MED15: variants seen among roughly 807,000 people sequenced by gnomAD.
The protein encoded by MED15 is mediator of RNA polymerase II transcription subunit 15.
Under a neutral mutation model 118.7 loss-of-function variants are expected in MED15, and 41 were observed. The observed-to-expected ratio is 0.35, with a 90% CI of 0.27 to 0.45. The LOEUF (loss-of-function observed/expected upper bound fraction) is 0.45, where lower values mean the gene tolerates loss of function less well. Ranked by LOEUF, MED15 falls within the 20% of genes least tolerant of loss-of-function variation. The probability of loss-of-function intolerance (pLI) is 1.00; values close to 1 mark genes in which losing one functional copy is unlikely to be tolerated. For missense variants in MED15, 740 were observed against 1,025.5 expected, an observed-to-expected ratio of 0.72 and a Z score of 3.80; for synonymous variants, 436 against 413.9, an observed-to-expected ratio of 1.05 and a Z score of -0.65.
At chr22:20,585,067 T>A (rs1480418035) in intron 15 of MED15, 34 bp from the exon 16 acceptor site, 1 of 1,613,372 alleles carries the variant, frequency 6.2e-7, no homozygotes, top group Admixed American at 1.7e-5. Flanking sequence ...CTGGGCCGCG[T>A]GTGCCAGGTG....
At chr22:20,510,021 T>C (rs1272155284) in intron 1 of MED15, among the ~76,000 whole-genome samples, 1 of 152,146 alleles carries the variant, frequency 6.6e-6, no homozygotes, top group Non-Finnish European at 1.5e-5. Context: ...TTCTTTATTT[T>C]TTTCGATATT....
At position 20,586,697 on chromosome 22, in the gene MED15, C is replaced by T. The variant is rs1375482886; in HGVS notation, c.2360C>T (p.Ala787Val). The change falls in exon 18 of 18, where the codon GCC becomes GTC. Residue 787 changes from alanine (A) to valine (V), a missense_variant. Around this residue, in one of 7 missense-constraint regions of MED15, gnomAD observed 179 missense variants for 259.0 expected, o/e 0.69. Coordinates refer to ENST00000263205, the MANE Select transcript of MED15 (RefSeq NM_001003891.3). ...AQSVHQACLS[A>V]A Reference sequence around the variant, plus strand: ...AGCGTCCACCAGGCCTGCCTCTCAGCCGCCTAGCCAAGACTGCAGGGATGG... The same window carrying T: ...AGCGTCCACCAGGCCTGCCTCTCAGTCGCCTAGCCAAGACTGCAGGGATGG... The T allele has an allele frequency of 6.2e-7, 1 of 1,612,480 alleles. No individual in the cohort carries two copies. The highest frequency in any genetic ancestry group is 1.7e-5 in the Admixed American group (1 of 60,024).
At chr22:20,557,827 C>T (rs2056077865) in intron 5 of MED15, among the ~76,000 whole-genome samples, 1 of 152,210 alleles carries the variant, frequency 6.6e-6, no homozygotes, top group Admixed American at 6.5e-5. Flanking sequence ...ACAGTGGGGG[C>T]TGGGCACGGT....
In MED15 at chr22:20,580,897, G is replaced by A. The variant is rs112936120; in HGVS notation, c.1273-1714G>A. On this transcript the variant is annotated intron_variant, in intron 9 of 17. Coordinates refer to ENST00000263205, the MANE Select transcript of MED15 (RefSeq NM_001003891.3). ...TGCTAACCTTTGCGAGAATCACCGC[G>A]AGCCATTTTGCTCCATTAGGTAGAG... Among the ~76,000 whole-genome samples the A allele has an allele frequency of 5.0e-3, 763 of 152,342 alleles. 8 individuals carry two copies. Among genetic ancestry groups the A allele is most frequent in the African/African-American group, 0.017 (713 of 41,588 alleles).
chr22:20,573,700 G>A (rs1250776222), intron 8 of MED15: 1 of 152,222 alleles, frequency 6.6e-6, no homozygotes. Flanking sequence ...TTAGACTTAA[G>A]CTTTGCATTC....
chr22:20,547,779 C>T (rs1375929295), intron 2 of MED15, among the ~76,000 whole-genome samples: 1 of 152,102 alleles, frequency 6.6e-6, no homozygotes, highest in East Asian at 1.9e-4. Context: ...ACTGAGATTG[C>T]ACCACTGCAC....
At chr22:20,538,273 C>T (rs1004553072) in intron 2 of MED15, among the ~76,000 whole-genome samples, 2 of 151,844 alleles carry the variant, frequency 1.3e-5, no homozygotes, top group Non-Finnish European at 2.9e-5. Flanking sequence ...TTTTTTGAGA[C>T]AGGGTCTCAC....
chr22:20,553,829 C>T (rs1177564851), intron 4 of MED15, among the ~76,000 whole-genome samples: 2 of 152,166 alleles, frequency 1.3e-5, no homozygotes, highest in African/African-American at 4.8e-5. Flanking sequence ...TGAGATCGTG[C>T]CACTGCACTC....
At chr22:20,512,710 G>C (rs997845305) in intron 1 of MED15, among the ~76,000 whole-genome samples, 13 of 148,896 alleles carry the variant, frequency 8.7e-5, no homozygotes, top group Non-Finnish European at 1.0e-4. Context: ...TCCTGCCTCA[G>C]CCTCCTGAGT....
chr22:20,548,312 C>T (rs1435284941), intron 2 of MED15, among the ~76,000 whole-genome samples: 1 of 152,154 alleles, frequency 6.6e-6, no homozygotes, highest in Non-Finnish European at 1.5e-5. Flanking sequence ...CCGGCATGCG[C>T]CACCAGGCCT....
chr22:20,579,029 CG>C (rs1475720447), intron 9 of MED15, among the ~76,000 whole-genome samples: 2 of 152,208 alleles, frequency 1.3e-5, no homozygotes, highest in African/African-American at 4.8e-5. Context: ...GTGCTCAGCA[CG>C]GGGGCCCAGG....
chr22:20,572,611 C>A (rs954111230), intron 8 of MED15, among the ~76,000 whole-genome samples: 1 of 146,650 alleles, frequency 6.8e-6, no homozygotes, highest in Non-Finnish European at 1.5e-5. Flanking sequence ...CAGCAGACTT[C>A]TTTTTCTCCC....
intron 7 of MED15, among the ~76,000 whole-genome samples, chr22:20,567,822 G>A (rs895826294): frequency 6.6e-6 from 1 of 152,154 alleles, no homozygotes; most frequent in African/African-American, 2.4e-5. Context: ...TCCATGCAGT[G>A]GCTCCACAGT....
At chr22:20,573,979 G>A (rs165772) in intron 8 of MED15, 30,038 of 152,218 alleles carry the variant, frequency 0.2, 3,031 homozygotes, top group South Asian at 0.25. Context: ...CTGCCATGCC[G>A]TGTCACCCCG....
At chr22:20,558,926 G>A (rs182611546) in intron 5 of MED15, among the ~76,000 whole-genome samples, 1 of 152,310 alleles carries the variant, frequency 6.6e-6, no homozygotes, top group East Asian at 1.9e-4. Flanking sequence ...AGAAAAAATA[G>A]ACACATGTAG....
At chr22:20,550,887 C>T (rs2146513256) in intron 2 of MED15, 1 of 344,874 alleles carries the variant, frequency 2.9e-6, no homozygotes, top group Non-Finnish European at 5.7e-6. Context: ...CTCTGCCTTG[C>T]CTGTGCGTAA....
chr22:20,587,593 T>C lies in MED15; in HGVS notation c.*889T>C, dbSNP rs1043174833. The C allele has an allele frequency of 3.2e-5, 15 of 466,068 alleles. No homozygotes were observed. Among genetic ancestry groups the C allele is most frequent in the Non-Finnish European group, 4.9e-5 (14 of 287,622 alleles). 28.9% of individuals were successfully genotyped at this position (466,068 alleles called of 1,614,324 possible). On this transcript the variant is annotated 3_prime_UTR_variant, in exon 18 of 18. Transcript: ENST00000263205. Reference sequence around the variant, plus strand: ...ATGTGCACTACCCCACCATCTGTGATTATAATAAATTTATTATTCCTGTGT... The same window carrying C: ...ATGTGCACTACCCCACCATCTGTGACTATAATAAATTTATTATTCCTGTGT...
In MED15 at chr22:20,582,352, C is replaced by T. The variant is rs547732463; in HGVS notation, c.1273-259C>T. 74 of 576,234 alleles carry T rather than the reference C, an allele frequency of 1.3e-4. No homozygotes were observed. In the African/African-American group the frequency reaches 1.4e-3, roughly 11 times the overall value. 35.7% of individuals were successfully genotyped at this position (576,234 alleles called of 1,614,324 possible). A position where few individuals can be genotyped will look rare whatever the true frequency, so the allele number is the denominator to read the frequency against. On this transcript the variant is annotated intron_variant, in intron 9 of 17. Transcript: ENST00000263205. Reference sequence around the variant, plus strand: ...CACTCCCACGACACAGCCCTCAAAGCCTGTGCCCCTGTGGGTCCCTGGCCA... The same window carrying T: ...CACTCCCACGACACAGCCCTCAAAGTCTGTGCCCCTGTGGGTCCCTGGCCA...
chr22:20,570,847 CCT>C (rs1203865417), intron 8 of MED15, among the ~76,000 whole-genome samples: 1 of 143,590 alleles, frequency 7.0e-6, no homozygotes, highest in Non-Finnish European at 1.5e-5. Flanking sequence ...CTCACTGCAA[CCT>C]CTGTCTCCCA....
Sources: allele counts gnomAD v4.1 joint callset (sites outside exome capture counted in the v4.1 genomes callset), GRCh38; gene constraint gnomAD v4.1.1; regional missense constraint gnomAD v4.1.1; transcripts MANE v1.5; gene names NCBI Gene and HGNC (gene_info 2026-07-23, HGNC 2026-07-21).